Variants in LAMC2 observed in about 807,000 individuals in gnomAD.
LAMC2 encodes the protein laminin subunit gamma-2.
A neutral mutation model predicts 140.2 loss-of-function variants in LAMC2; 97 were observed. The ratio of observed to expected loss-of-function variants is 0.69; its 90% CI spans 0.59 to 0.82. LAMC2 has a LOEUF of 0.82. Ranked by LOEUF, LAMC2 falls within the 40% of genes least tolerant of loss-of-function variation. LAMC2 has a pLI of 0.00. For missense variants in LAMC2, 1,402 were observed against 1,476.1 expected, an observed-to-expected ratio of 0.95 and a Z score of 0.82; for synonymous variants, 513 against 540.2, an observed-to-expected ratio of 0.95 and a Z score of 0.70.
At chr1:183,225,340 G>C (rs908879347) in intron 7 of LAMC2, among the ~76,000 whole-genome samples, 1 of 152,170 alleles carries the variant, frequency 6.6e-6, no homozygotes, top group Non-Finnish European at 1.5e-5. Flanking sequence ...GAGAACTTGC[G>C]ATCATCATGG....
At position 183,214,077 on chromosome 1, in the gene LAMC2, G is replaced by A. The variant is rs575797023; in HGVS notation, c.269-1376G>A. On this transcript the variant is annotated intron_variant, in intron 2 of 22. Coordinates refer to ENST00000264144, the MANE Select transcript of LAMC2 (RefSeq NM_005562.3). ...ATACAGATTATTTTACAATTCCACT[G>A]AATTGCAGGGGAATTATAAGGTAGC... Among the ~76,000 whole-genome samples the A allele has an allele frequency of 9.5e-4, 144 of 151,858 alleles. 2 individuals carry two copies. Among genetic ancestry groups the A allele is most frequent in the Non-Finnish European group, 6.3e-4 (43 of 68,006 alleles).
At chr1:183,192,238 G>C (rs1350015869) in intron 1 of LAMC2, among the ~76,000 whole-genome samples, 1 of 152,116 alleles carries the variant, frequency 6.6e-6, no homozygotes, top group African/African-American at 2.4e-5. Flanking sequence ...ACTTATTCAG[G>C]GCTTATATTT....
chr1:183,240,569 C>A, intron 22 of LAMC2, 178 bp downstream of exon 22: 1 of 1,442,512 alleles, frequency 6.9e-7, no homozygotes, highest in Middle Eastern at 2.6e-4. Context: ...TTTACTGGAC[C>A]CTGTTTTACC....
downstream of LAMC2, among the ~76,000 whole-genome samples, chr1:183,246,236 A>T (rs1163647200): frequency 2.0e-5 from 3 of 151,566 alleles, no homozygotes; most frequent in East Asian, 5.8e-4. Context: ...ACCTGAGGAG[A>T]GATGGGGAGT....
chr1:183,252,596 G>A, the LAMC2 span: 2 of 1,310,396 alleles, frequency 1.5e-6, no homozygotes, highest in South Asian at 1.2e-5. Flanking sequence ...ACAGGGGGCT[G>A]ACAAAGATGG....
intron 3 of LAMC2, among the ~76,000 whole-genome samples, chr1:183,217,395 A>C (rs776371774): frequency 1.3e-5 from 2 of 152,160 alleles, no homozygotes; most frequent in Non-Finnish European, 2.9e-5. Context: ...AAGTCTATTA[A>C]ACCCAGCAAT....
chr1:183,227,005 C>G, intron 9 of LAMC2, 89 bp downstream of exon 9: 1 of 1,034,934 alleles, frequency 9.7e-7, no homozygotes, highest in South Asian at 1.4e-5. Context: ...GAACTCACAT[C>G]AGAGGTGGGA....
At position 183,231,827 on chromosome 1, in the gene LAMC2, A is replaced by G. The variant is rs534237482; in HGVS notation, c.1858-360A>G. Among the ~76,000 whole-genome samples, 8 of 152,360 alleles carry G rather than the reference A, an allele frequency of 5.3e-5. No individual in the cohort carries two copies. The South Asian group carries it at 1.7e-3, about 32-fold the overall frequency. Reference sequence around the variant, plus strand: ...TTTACGCACTTCCTTTGTGTCAGGCACTGTTCTCTTGTCTCTAGCTTGCAA... The same window carrying G: ...TTTACGCACTTCCTTTGTGTCAGGCGCTGTTCTCTTGTCTCTAGCTTGCAA... On this transcript the variant is annotated intron_variant, in intron 12 of 22. Coordinates refer to ENST00000264144, the MANE Select transcript of LAMC2 (RefSeq NM_005562.3).
At chr1:183,214,653 C>G (rs749951653) in intron 2 of LAMC2, among the ~76,000 whole-genome samples, 13 of 152,004 alleles carry the variant, frequency 8.6e-5, no homozygotes, top group Non-Finnish European at 1.8e-4. Context: ...TAAAGAATAT[C>G]CTGGCTTCTC....
At position 183,235,712 on chromosome 1, in the gene LAMC2, T is replaced by C; in HGVS notation, c.2438T>C (p.Val813Ala). The change falls in exon 16 of 23, where the codon GTG (valine) becomes GCG (alanine). Residue 813 changes from valine (V) to alanine (A), a missense_variant. By Grantham distance (64) the Val-to-Ala change is moderately conservative. Transcript: ENST00000264144. The stretch of plus-strand genomic sequence containing the variant: ...AGCGGTAGCCCGGACGGTGCTGTGG[T>C]GCAAGGGCTTGTGGAAAAGTACGTT... Reference protein sequence around the residue: ...SGSGSPDGAVVQGLVEKLEKT... With the variant: ...SGSGSPDGAVAQGLVEKLEKT... 4.3e-6 allele frequency: 7 copies of C among 1,614,192 alleles called. No individual in the cohort carries two copies. The highest frequency in any genetic ancestry group is 5.9e-6 in the Non-Finnish European group (7 of 1,180,022).
rs1362526753 is a variant in LAMC2, at chr1:183,228,355, G to A, written c.1469-19G>A. The A allele has an allele frequency of 6.2e-7, 1 of 1,614,130 alleles. No homozygotes were observed. The highest frequency in any genetic ancestry group is 1.7e-5 in the Admixed American group (1 of 60,016). On this transcript the variant is annotated intron_variant, in intron 10 of 22. Coordinates refer to ENST00000264144, the MANE Select transcript of LAMC2 (RefSeq NM_005562.3). The surrounding 1 kb of genome is among the most constrained non-coding windows in gnomAD (Gnocchi z 4.3). ...CCTGATGGATGTCGACCTAGGCTTG[G>A]TCATTTGTTCCTTCCCAGGTGCCCG...
At chr1:183,195,916 C>A (rs763974711) in intron 1 of LAMC2, among the ~76,000 whole-genome samples, 1 of 152,000 alleles carries the variant, frequency 6.6e-6, no homozygotes, top group Non-Finnish European at 1.5e-5. Context: ...CTAGAAAAGT[C>A]CTTATAAGCA....
rs79352195 is a variant in LAMC2 at position 183,242,175 on chromosome 1, A to G, written c.3329-972A>G. ...CTAGTAACTCATGCCACCTTCCCAT[A>G]GACAAGGTTATTTTGTTCCCAAGCT... is the stretch of plus-strand genomic sequence containing the variant. On this transcript the variant is annotated intron_variant, in intron 22 of 22. Coordinates refer to ENST00000264144, the MANE Select transcript of LAMC2 (RefSeq NM_005562.3). Among the ~76,000 whole-genome samples the G allele has an allele frequency of 1.0e-3, 158 of 152,314 alleles. No homozygotes were observed. The East Asian group carries it at 0.023, about 22-fold the overall frequency.
chr1:183,200,807 TC>T (rs1273797807), intron 1 of LAMC2, among the ~76,000 whole-genome samples: 1 of 152,152 alleles, frequency 6.6e-6, no homozygotes, highest in African/African-American at 2.4e-5. Context: ...TAGTGGGCAG[TC>T]CAGCCTGTGT....
chr1:183,219,247 G>A (rs543766234), intron 4 of LAMC2, among the ~76,000 whole-genome samples: 1 of 152,364 alleles, frequency 6.6e-6, no homozygotes, highest in Non-Finnish European at 1.5e-5. Flanking sequence ...TACCTGCACA[G>A]AGGAAATGTC....
rs748141808 is a variant in LAMC2, at chr1:183,239,446, A to G, written c.2952A>G (p.Ser984=). ...KRLSYISQKV[S]DASDKTQQAE... ...TCTCCTACATCAGCCAGAAGGTTTC[A>G]GATGCCAGTGACAAGACCCAGCAAG... The change falls in exon 20 of 23, where the codon TCA becomes TCG. Residue 984 remains serine (S), a synonymous_variant. Transcript: ENST00000264144. 2 of 1,614,210 alleles carry G rather than the reference A, an allele frequency of 1.2e-6. No individual in the cohort carries two copies. Among genetic ancestry groups the G allele is most frequent in the Non-Finnish European group, 1.7e-6 (2 of 1,180,014 alleles).
At chr1:183,217,920 T>C (rs1659327630) in intron 3 of LAMC2, among the ~76,000 whole-genome samples, 2 of 152,180 alleles carry the variant, frequency 1.3e-5, no homozygotes, top group South Asian at 4.1e-4. Context: ...GGCATATGAA[T>C]TATATCTCAA....
intron 1 of LAMC2, among the ~76,000 whole-genome samples, chr1:183,200,467 C>T (rs138252847): frequency 2.0e-4 from 31 of 152,124 alleles, no homozygotes; most frequent in African/African-American, 7.0e-4. Context: ...TGAAATTTCT[C>T]GTAATTGTAT....
intron 1 of LAMC2, among the ~76,000 whole-genome samples, chr1:183,189,567 AT>A (rs1658260633): frequency 6.6e-6 from 1 of 152,132 alleles, no homozygotes; most frequent in Non-Finnish European, 1.5e-5. Context: ...TGAGATATAA[AT>A]TTGGGGGCCC....
Sources: gnomAD v4.1 joint callset for allele counts (sites outside exome capture counted in the v4.1 genomes callset) on GRCh38, gnomAD v4.1.1 for gene constraint, Gnocchi (gnomAD v3.1) non-coding constraint, MANE v1.5 for transcripts, NCBI Gene and HGNC (gene_info 2026-07-23, HGNC 2026-07-21) for gene names.